The following LGR5 variants were observed in gnomAD, a reference collection of about 807,000 sequenced individuals.
The protein encoded by LGR5 is leucine rich repeat containing G protein-coupled receptor 5, also known as leucine-rich repeat-containing G protein-coupled receptor 5.
A neutral mutation model predicts 76.7 loss-of-function variants in LGR5; 54 were observed. The ratio of observed to expected loss-of-function variants is 0.70; its 90% confidence interval spans 0.57 to 0.88. The LOEUF is 0.88. LGR5 is among the 40% of genes least tolerant of loss of function. The pLI is 0.00. For synonymous variants in LGR5, 406 were observed against 421.9 expected (o/e 0.96, Z 0.46); for missense variants, 1,078 against 1,073.3 (o/e 1.00, Z -0.06).
chr12:71,519,570 C>T (rs1370719793), intron 2 of LGR5, among the ~76,000 whole-genome samples: 2 of 151,636 alleles, frequency 1.3e-5, no homozygotes, highest in South Asian at 2.1e-4. Flanking sequence ...GAGGCTGAGG[C>T]GGTGAATCGC....
At chr12:71,573,056 G>A (rs11178860) in intron 13 of LGR5, 135 bp downstream of exon 13, 103,216 of 601,972 alleles carry the variant, frequency 0.17, 10,757 homozygotes, top group East Asian at 0.41. Context: ...GAAACATCAA[G>A]TATTTTGCTT....
chr12:71,555,523 T>C (rs1565751657), intron 5 of LGR5, among the ~76,000 whole-genome samples: 1 of 152,202 alleles, frequency 6.6e-6, no homozygotes, highest in Non-Finnish European at 1.5e-5. Context: ...AAAAATCTGA[T>C]TACCATTGCC....
chr12:71,467,124 A>G (rs1298706800), intron 1 of LGR5, among the ~76,000 whole-genome samples: 1 of 152,174 alleles, frequency 6.6e-6, no homozygotes, highest in Non-Finnish European at 1.5e-5. Context: ...ATAAATAAAG[A>G]AATCAGAGAA....
intron 1 of LGR5, among the ~76,000 whole-genome samples, chr12:71,468,338 T>C (rs954238908): frequency 6.6e-6 from 1 of 152,128 alleles, no homozygotes; most frequent in African/African-American, 2.4e-5. Context: ...CTAAAGAATG[T>C]CTCTACCCAA....
intron 1 of LGR5, among the ~76,000 whole-genome samples, chr12:71,460,510 T>C (rs1872644111): frequency 6.6e-6 from 1 of 152,106 alleles, no homozygotes; most frequent in South Asian, 2.1e-4. Flanking sequence ...CTCTTACTGA[T>C]CTGTTTTGTC....
chr12:71,516,967 A>G (rs1483513899), intron 2 of LGR5, among the ~76,000 whole-genome samples: 1 of 151,470 alleles, frequency 6.6e-6, no homozygotes, highest in African/African-American at 2.4e-5. Context: ...AATGAAAGGG[A>G]CATTGCCATG....
intron 1 of LGR5, among the ~76,000 whole-genome samples, chr12:71,457,302 G>T (rs1181196775): frequency 6.6e-6 from 1 of 152,130 alleles, no homozygotes; most frequent in African/African-American, 2.4e-5. Context: ...CTGAGAGAAA[G>T]GGGATGGAAG....
At chr12:71,483,717 A>G (rs1873707600) in intron 1 of LGR5, among the ~76,000 whole-genome samples, 1 of 152,090 alleles carries the variant, frequency 6.6e-6, no homozygotes, top group Non-Finnish European at 1.5e-5. Flanking sequence ...CTTTACCTTT[A>G]AAATGGACTG....
chr12:71,542,481 T>G (rs573785902), intron 4 of LGR5, among the ~76,000 whole-genome samples: 1 of 152,238 alleles, frequency 6.6e-6, no homozygotes, highest in South Asian at 2.1e-4. Flanking sequence ...TGGAGGGTTT[T>G]AAGGCTGGCA....
Position 71,563,637 on chromosome 12 carries a change from T to C in LGR5, c.857+1785T>C, listed in dbSNP as rs915632022. ...CTAAGTTATGTTCACGGAACAAAGC[T>C]CTTTTCTTACTTCCTTTGCTCCTAC... On this transcript the variant is annotated intron_variant, in intron 8 of 17. Transcript: ENST00000266674. 3.3e-5 allele frequency among the ~76,000 whole-genome samples: 5 copies of C among 152,204 alleles called. No individual in the cohort carries two copies. The South Asian group carries it at 8.3e-4, about 25-fold the overall frequency.
chr12:71,445,827 A>G (rs1871963935), intron 1 of LGR5, among the ~76,000 whole-genome samples: 1 of 152,240 alleles, frequency 6.6e-6, no homozygotes, highest in Non-Finnish European at 1.5e-5. Flanking sequence ...TTTCATAAGC[A>G]GAAGTGCTTC....
chr12:71,523,994 CA>C (rs1397146358), intron 2 of LGR5, among the ~76,000 whole-genome samples: 1 of 152,086 alleles, frequency 6.6e-6, no homozygotes, highest in African/African-American at 2.4e-5. Flanking sequence ...GGTATAGTTG[CA>C]ACAGAAATAT....
At chr12:71,535,682 T>C (rs1876549149) in intron 4 of LGR5, among the ~76,000 whole-genome samples, 1 of 152,130 alleles carries the variant, frequency 6.6e-6, no homozygotes, top group Non-Finnish European at 1.5e-5. Context: ...GAGCCTAAGA[T>C]CTACTGGTAT....
At chr12:71,556,882 A>T (rs1377824659) in intron 6 of LGR5, among the ~76,000 whole-genome samples, 192 bp downstream of exon 6, 1 of 152,230 alleles carries the variant, frequency 6.6e-6, no homozygotes, top group African/African-American at 2.4e-5. Flanking sequence ...TTTTATTTTA[A>T]TCTAATGAGA....
At chr12:71,512,731 A>G (rs1003734989) in intron 2 of LGR5, among the ~76,000 whole-genome samples, 2 of 151,758 alleles carry the variant, frequency 1.3e-5, no homozygotes, top group Non-Finnish European at 2.9e-5. Flanking sequence ...GTGAAGGACA[A>G]AAACAGGGAA....
chr12:71,464,569 C>A (rs2137232463), intron 1 of LGR5, among the ~76,000 whole-genome samples: 1 of 151,688 alleles, frequency 6.6e-6, no homozygotes, highest in East Asian at 1.9e-4. Flanking sequence ...TTGAAAGAGA[C>A]AAAAAAATGA....
At position 71,547,353 on chromosome 12, in the gene LGR5, TAGAG is replaced by T. The variant is rs146873581; in HGVS notation, c.429-5718_429-5715del. The stretch of plus-strand genomic sequence containing the variant: ...CATAGATTAAAGAATGTATGGTAAA[TAGAG>T]AAACACCAGCCCATATGGCAAGAAA... On this transcript the variant is annotated intron_variant, in intron 4 of 17. Coordinates refer to ENST00000266674, the MANE Select transcript of LGR5 (RefSeq NM_003667.4). 5.7e-3 allele frequency among the ~76,000 whole-genome samples: 863 copies of T among 152,184 alleles called. 3 individuals carry two copies. The highest frequency in any genetic ancestry group is 0.019 in the African/African-American group (797 of 41,520).
At chr12:71,439,177 C>T (rs144948551), upstream of LGR5, among the ~76,000 whole-genome samples, 1 of 152,274 alleles carries the variant, frequency 6.6e-6, no homozygotes, top group East Asian at 1.9e-4. Context: ...CAGTGGAGTG[C>T]TCGCTCAGGA....
intron 1 of LGR5, among the ~76,000 whole-genome samples, chr12:71,468,801 C>T (rs761929183): frequency 7.2e-6 from 1 of 139,362 alleles, no homozygotes; most frequent in Admixed American, 7.9e-5. Flanking sequence ...ATTCCTAAAA[C>T]GTGGGGCTCA....
Sources: gnomAD v4.1 joint callset for allele counts (sites outside exome capture counted in the v4.1 genomes callset) on GRCh38, gnomAD v4.1.1 for gene constraint, MANE v1.5 for transcripts, NCBI Gene and HGNC (gene_info 2026-07-23, HGNC 2026-07-21) for gene names.